The following NT5M variants were observed in gnomAD, a reference collection of about 807,000 sequenced individuals.
The protein encoded by NT5M is 5',3'-nucleotidase, mitochondrial.
NT5M carries 22 observed loss-of-function variants against 22.2 expected under a neutral mutation model. The ratio of observed to expected loss-of-function variants is 0.99; its 90% CI spans 0.71 to 1.41. NT5M has a LOEUF of 1.41. Ranked by LOEUF, NT5M falls within the 40% of genes most tolerant of loss-of-function variation. The probability of loss-of-function intolerance (pLI) is 0.00; values close to 1 mark genes in which losing one functional copy is unlikely to be tolerated. For synonymous variants in NT5M, 167 were observed against 133.0 expected (o/e 1.26, Z -1.76); for missense variants, 322 against 314.8 (o/e 1.02, Z -0.17).
intron 3 of NT5M, among the ~76,000 whole-genome samples, chr17:17,344,487 C>G (rs1186372090): frequency 1.3e-5 from 2 of 152,148 alleles, no homozygotes; most frequent in Non-Finnish European, 2.9e-5. Context: ...CCTCTGCTCC[C>G]TGTGTTTGGG....
At chr17:17,314,826 C>T (rs1482682316) in intron 2 of NT5M, among the ~76,000 whole-genome samples, 2 of 152,202 alleles carry the variant, frequency 1.3e-5, no homozygotes, top group Non-Finnish European at 2.9e-5. Flanking sequence ...GATTGTTTTT[C>T]TCTTTCAAAC....
rs113686367 is a variant in NT5M at position 17,316,054 on chromosome 17, C to CT, written c.369-7117dup. Among the ~76,000 whole-genome samples the CT allele has an allele frequency of 4.9e-3, 652 of 133,184 alleles. 4 individuals carry two copies. Among genetic ancestry groups the CT allele is most frequent in the African/African-American group, 0.014 (491 of 35,804 alleles). The allele number at this position is 133,184 out of a possible 152,430, so 87.4% of individuals were successfully genotyped here. ...ACAGGCATGAGCCACCATGCCCGGC[C>CT]TTTTTTTTTTTTTTAAATGAGACAG... On this transcript the variant is annotated intron_variant, in intron 2 of 4. Coordinates refer to ENST00000389022, the MANE Select transcript of NT5M (RefSeq NM_020201.4).
intron 2 of NT5M, among the ~76,000 whole-genome samples, chr17:17,319,755 G>A (rs2049111875): frequency 1.3e-5 from 2 of 152,316 alleles, no homozygotes; most frequent in South Asian, 4.1e-4. Flanking sequence ...AGATAACAAA[G>A]GAGAACCTTT....
chr17:17,320,501 C>G (rs2049128801), intron 2 of NT5M, among the ~76,000 whole-genome samples: 1 of 152,138 alleles, frequency 6.6e-6, no homozygotes, highest in South Asian at 2.1e-4. Flanking sequence ...TTGAGCAGAG[C>G]TCTGTCTTTA....
chr17:17,329,490 C>T (rs1448713160), intron 3 of NT5M, among the ~76,000 whole-genome samples: 1 of 152,050 alleles, frequency 6.6e-6, no homozygotes, highest in Non-Finnish European at 1.5e-5. Context: ...TTTGAAAATC[C>T]GTGTCAGGTT....
At chr17:17,325,274 C>T (rs2145381788) in intron 3 of NT5M, among the ~76,000 whole-genome samples, 1 of 152,272 alleles carries the variant, frequency 6.6e-6, no homozygotes, top group Non-Finnish European at 1.5e-5. Context: ...TGTCTTTGTG[C>T]CAGCTGTCCC....
chr17:17,309,678 T>A (rs1021792366), intron 2 of NT5M, among the ~76,000 whole-genome samples: 2 of 25,486 alleles, frequency 7.8e-5, no homozygotes, highest in Non-Finnish European at 2.9e-4. Context: ...CAAGCATCTT[T>A]TTTTTTTTTT....
At chr17:17,329,655 C>T (rs367652627) in intron 3 of NT5M, among the ~76,000 whole-genome samples, 5 of 152,138 alleles carry the variant, frequency 3.3e-5, no homozygotes, top group South Asian at 2.1e-4. Flanking sequence ...CCTGATTCGA[C>T]GTTGATTTTT....
intron 1 of NT5M, 125 bp downstream of exon 1, chr17:17,303,942 G>T: frequency 7.8e-7 from 1 of 1,286,356 alleles, no homozygotes; most frequent in Non-Finnish European, 9.8e-7. Flanking sequence ...GATAGAATAG[G>T]GTCTGGGGGG....
chr17:17,329,346 A>C (rs2049329174), intron 3 of NT5M, among the ~76,000 whole-genome samples: 1 of 152,158 alleles, frequency 6.6e-6, no homozygotes, highest in Non-Finnish European at 1.5e-5. Context: ...GTTGAAGCTG[A>C]GGGTTAGCGG....
At chr17:17,338,028 G>A (rs954189197) in intron 3 of NT5M, among the ~76,000 whole-genome samples, 5 of 152,102 alleles carry the variant, frequency 3.3e-5, no homozygotes, top group African/African-American at 1.2e-4. Context: ...AGTAGTTCTT[G>A]TATATGGCAA....
intron 3 of NT5M, among the ~76,000 whole-genome samples, chr17:17,334,136 T>C (rs1206987247): frequency 1.3e-5 from 2 of 151,806 alleles, no homozygotes; most frequent in Non-Finnish European, 2.9e-5. Context: ...CCTGGTATGT[T>C]TTTGTATTTT....
At chr17:17,306,724 C>G in intron 2 of NT5M, 81 bp downstream of exon 2, 1 of 948,118 alleles carries the variant, frequency 1.1e-6, no homozygotes, top group Non-Finnish European at 1.7e-6. Flanking sequence ...TTCTTCCCTC[C>G]TCTGCCTTCT....
At chr17:17,339,046 G>T (rs559848705) in intron 3 of NT5M, among the ~76,000 whole-genome samples, 4 of 152,114 alleles carry the variant, frequency 2.6e-5, no homozygotes, top group African/African-American at 9.7e-5. Context: ...TATTTTAATA[G>T]GGATTGCATT....
At chr17:17,332,637 A>G (rs537198177) in intron 3 of NT5M, among the ~76,000 whole-genome samples, 14 of 152,308 alleles carry the variant, frequency 9.2e-5, no homozygotes, top group African/African-American at 2.9e-4. Flanking sequence ...TTCAGGAACC[A>G]AAATGGTAAT....
rs535689397 is a variant in NT5M at position 17,336,396 on chromosome 17, T to G, written c.430-8398T>G. Among the ~76,000 whole-genome samples the G allele has an allele frequency of 1.3e-4, 20 of 152,218 alleles. 2 individuals are homozygous for G. Among genetic ancestry groups the G allele is most frequent in the African/African-American group, 4.8e-4 (20 of 41,544 alleles). On this transcript the variant is annotated intron_variant, in intron 3 of 4. Transcript: ENST00000389022. ...TCCCAGCCTCTACTAACCATCCTCC[T>G]ACTATCTCCATGAGTTCAATTGTTT...
In NT5M at chr17:17,334,077, C is replaced by T. The variant is rs1402784511; in HGVS notation, c.430-10717C>T. Among the ~76,000 whole-genome samples the T allele has an allele frequency of 2.0e-5, 3 of 151,986 alleles. No individual in the cohort carries two copies. The East Asian group carries it at 5.8e-4, about 29-fold the overall frequency. On this transcript the variant is annotated intron_variant, in intron 3 of 4. Coordinates refer to ENST00000389022, the MANE Select transcript of NT5M (RefSeq NM_020201.4). ...CTCAATCTCCTGACCTCATGATCCG[C>T]CCGCCTCGGCCTCCCAAAGTGCTGG...
intron 1 of NT5M, 199 bp downstream of exon 1, chr17:17,304,016 C>A: frequency 8.1e-7 from 1 of 1,227,674 alleles, no homozygotes; most frequent in South Asian, 3.6e-5. Flanking sequence ...GGCTGCCATC[C>A]AAGGTTTCTG....
intron 2 of NT5M, among the ~76,000 whole-genome samples, chr17:17,314,832 C>A (rs2048990992): frequency 6.6e-6 from 1 of 152,220 alleles, no homozygotes; most frequent in Admixed American, 6.5e-5. Context: ...TTTTCTCTTT[C>A]AAACTGAGAA....
Sources: gnomAD v4.1 joint callset for allele counts (sites outside exome capture counted in the v4.1 genomes callset) on GRCh38, gnomAD v4.1.1 for gene constraint, MANE v1.5 for transcripts, NCBI Gene and HGNC (gene_info 2026-07-23, HGNC 2026-07-21) for gene names.